The following L3MBTL3 variants were observed in gnomAD, a reference collection of about 807,000 sequenced individuals.
L3MBTL3 encodes the protein L3MBTL histone methyl-lysine binding protein 3.
Under a neutral mutation model 102.3 loss-of-function variants are expected in L3MBTL3, and 27 were observed. That is an observed-to-expected ratio of 0.26 (90% CI 0.19 to 0.36). The LOEUF is 0.36. Ranked by LOEUF, L3MBTL3 falls within the 10% of genes least tolerant of loss-of-function variation. L3MBTL3 has a pLI of 1.00. For missense variants in L3MBTL3, 798 were observed against 955.3 expected (o/e 0.84, Z 2.17); for synonymous variants, 340 against 320.9 (o/e 1.06, Z -0.64).
At chr6:130,026,023 T>A (rs1445200981) in intron 2 of L3MBTL3, among the ~76,000 whole-genome samples, 3 of 152,142 alleles carry the variant, frequency 2.0e-5, no homozygotes, top group Admixed American at 1.3e-4. Flanking sequence ...AGATAAATGC[T>A]GTAGACACTG....
intron 2 of L3MBTL3, among the ~76,000 whole-genome samples, chr6:130,027,849 C>G (rs1779452474): frequency 6.6e-6 from 1 of 151,970 alleles, no homozygotes; most frequent in East Asian, 1.9e-4. Context: ...GGTTCTTGTT[C>G]TTTTTATGGC....
intron 2 of L3MBTL3, among the ~76,000 whole-genome samples, chr6:130,029,822 C>G (rs993923598): frequency 4.6e-5 from 7 of 152,118 alleles, no homozygotes; most frequent in Non-Finnish European, 1.0e-4. Context: ...CTCCCCTGCC[C>G]TGCCCTCCTC....
chr6:130,020,026 T>C (rs1778865376), intron 1 of L3MBTL3, among the ~76,000 whole-genome samples: 1 of 65,480 alleles, frequency 1.5e-5, no homozygotes, highest in African/African-American at 5.9e-5. Flanking sequence ...GCGGCGGGCT[T>C]GTGGGGGGAG....
chr6:130,087,916 T>C (rs574013022), intron 16 of L3MBTL3, among the ~76,000 whole-genome samples: 1 of 152,300 alleles, frequency 6.6e-6, no homozygotes, highest in South Asian at 2.1e-4. Flanking sequence ...AGTGCTTCTT[T>C]CAGGGTGCTG....
In L3MBTL3 at chr6:130,140,164, A is replaced by G. The variant is rs1014331920; in HGVS notation, c.*411A>G. The G allele has an allele frequency of 3.8e-5, 6 of 158,188 alleles. No homozygotes were observed. The highest frequency in any genetic ancestry group is 2.8e-5 in the Non-Finnish European group (2 of 71,954). The allele number at this position is 158,188 out of a possible 1,614,324, so 9.8% of individuals were successfully genotyped here. ...TTTCAGAAACCTTTTTATATAATCA[A>G]ATTTCAATTTAAACCAAATTAGTCG... is the stretch of plus-strand genomic sequence containing the variant. On this transcript the variant is annotated 3_prime_UTR_variant, in exon 23 of 23. Coordinates refer to ENST00000361794, the MANE Select transcript of L3MBTL3 (RefSeq NM_032438.4).
chr6:130,021,562 G>C, intron 1 of L3MBTL3, among the ~76,000 whole-genome samples: 1 of 152,202 alleles, frequency 6.6e-6, no homozygotes, highest in Admixed American at 6.5e-5. Context: ...TAATTAACGA[G>C]TCTCAGCTGA....
intron 2 of L3MBTL3, among the ~76,000 whole-genome samples, chr6:130,025,900 A>G (rs1002963626): frequency 8.5e-5 from 13 of 152,212 alleles, no homozygotes; most frequent in African/African-American, 2.9e-4. Flanking sequence ...CTACAAAGAC[A>G]TCGAGCATCA....
chr6:130,123,075 C>T (rs895074696), intron 20 of L3MBTL3, among the ~76,000 whole-genome samples: 7 of 152,062 alleles, frequency 4.6e-5, no homozygotes, highest in African/African-American at 1.2e-4. Context: ...AGTTTCTCAG[C>T]GATCTTTTTA....
intron 1 of L3MBTL3, among the ~76,000 whole-genome samples, chr6:130,021,662 C>G (rs1779023872): frequency 6.6e-6 from 1 of 152,110 alleles, no homozygotes; most frequent in Non-Finnish European, 1.5e-5. Flanking sequence ...TGAGATTTGT[C>G]TTTTATATGA....
At chr6:130,020,552 C>T (rs893554681) in intron 1 of L3MBTL3, 6 of 148,510 alleles carry the variant, frequency 4.0e-5, no homozygotes, top group Admixed American at 1.3e-4. Flanking sequence ...CCCGGGTCCC[C>T]GCGGAGGGCT....
At chr6:130,073,239 C>T (rs1330260089) in intron 13 of L3MBTL3, among the ~76,000 whole-genome samples, 2 of 152,104 alleles carry the variant, frequency 1.3e-5, no homozygotes, top group Non-Finnish European at 2.9e-5. Flanking sequence ...AGACCCCTGA[C>T]TCTACATAAA....
chr6:130,110,480 A>G (rs916717662), intron 19 of L3MBTL3, among the ~76,000 whole-genome samples: 3 of 152,136 alleles, frequency 2.0e-5, no homozygotes, highest in African/African-American at 7.2e-5. Context: ...TTCACTCATG[A>G]TTTGACTCTC....
chr6:130,102,545 TA>T (rs991921887), intron 18 of L3MBTL3, among the ~76,000 whole-genome samples: 1 of 152,194 alleles, frequency 6.6e-6, no homozygotes, highest in African/African-American at 2.4e-5. Flanking sequence ...TAATGTTTGC[TA>T]AAAATATAAA....
intron 16 of L3MBTL3, among the ~76,000 whole-genome samples, chr6:130,089,056 CTCTA>C (rs1783867752): frequency 6.6e-6 from 1 of 151,896 alleles, no homozygotes; most frequent in African/African-American, 2.4e-5. Flanking sequence ...TTTTTCAGTA[CTCTA>C]TCTTTTTATT....
At chr6:130,053,939 G>C (rs1781283094) in intron 7 of L3MBTL3, among the ~76,000 whole-genome samples, 1 of 152,110 alleles carries the variant, frequency 6.6e-6, no homozygotes, top group Non-Finnish European at 1.5e-5. Flanking sequence ...TTGTTTAGGG[G>C]GTAGTTAATC....
intron 15 of L3MBTL3, among the ~76,000 whole-genome samples, 162 bp from the exon 16 acceptor site, chr6:130,085,978 C>G (rs1783657745): frequency 6.6e-6 from 1 of 150,930 alleles, no homozygotes; most frequent in Non-Finnish European, 1.5e-5. Flanking sequence ...GTCTCAAACT[C>G]CTGGCCTCAA....
At chr6:130,074,787 C>T (rs1782849829) in intron 13 of L3MBTL3, among the ~76,000 whole-genome samples, 1 of 152,164 alleles carries the variant, frequency 6.6e-6, no homozygotes, top group Admixed American at 6.5e-5. Context: ...ATTTTTTATT[C>T]CATTGTACTT....
chr6:130,102,910 G>A (rs1295331165), intron 18 of L3MBTL3, among the ~76,000 whole-genome samples: 2 of 152,084 alleles, frequency 1.3e-5, no homozygotes, highest in African/African-American at 2.4e-5. Flanking sequence ...GTGTACTGCC[G>A]ATCTCCCCCT....
chr6:130,113,825 G>A (rs1785493996), intron 19 of L3MBTL3, among the ~76,000 whole-genome samples: 1 of 152,168 alleles, frequency 6.6e-6, no homozygotes, highest in South Asian at 2.1e-4. Context: ...AGATAGGAAA[G>A]CAAGCTAACA....
Sources: gnomAD v4.1 joint callset for allele counts (sites outside exome capture counted in the v4.1 genomes callset) on GRCh38, gnomAD v4.1.1 for gene constraint, MANE v1.5 for transcripts, NCBI Gene and HGNC (gene_info 2026-07-23, HGNC 2026-07-21) for gene names.